Variants in DORIP1 observed in about 807,000 individuals in gnomAD.
DORIP1 encodes dopamine receptor interacting protein 1, also known as dopamine receptor-interacting protein 1.
At chr14:44,905,678 A>C in the DORIP1 span, 1 of 602,680 alleles carries the variant, frequency 1.7e-6, no homozygotes, top group Non-Finnish European at 2.6e-6. Context: ...GTGTATTTTC[A>C]GTGTTTAACC....
the DORIP1 span, chr14:44,900,493 C>T: frequency 2.9e-5 from 46 of 1,573,236 alleles, no homozygotes; most frequent in Middle Eastern, 5.1e-4. Flanking sequence ...TAACCAAGAT[C>T]GATCATTTTG....
chr14:44,900,285 G>A, the DORIP1 span: 2 of 618,814 alleles, frequency 3.2e-6, no homozygotes, highest in Non-Finnish European at 4.9e-6. Flanking sequence ...GCGAAAAGTG[G>A]CTCATTTAAA....
chr14:44,902,628 TG>T, the DORIP1 span, among the ~76,000 whole-genome samples: 4 of 152,174 alleles, frequency 2.6e-5, no homozygotes, highest in Non-Finnish European at 5.9e-5. Flanking sequence ...CCTAATATCT[TG>T]TTTTTTAAAA....
the DORIP1 span, chr14:44,900,994 C>G: frequency 7.2e-6 from 11 of 1,529,316 alleles, no homozygotes; most frequent in South Asian, 2.7e-5. Context: ...GTCACTTTTA[C>G]TTTTTTTAAT....
At chr14:44,900,456 G>C in the DORIP1 span, 1 of 1,539,894 alleles carries the variant, frequency 6.5e-7, no homozygotes, top group Non-Finnish European at 8.7e-7. Flanking sequence ...TGTTTGAAGA[G>C]ATCAAAGCAT....
chr14:44,898,545 G>A, the DORIP1 span, among the ~76,000 whole-genome samples: 1 of 152,036 alleles, frequency 6.6e-6, no homozygotes, highest in Admixed American at 6.6e-5. Context: ...AAAATTCAAC[G>A]GAAATAAATC....
the DORIP1 span, chr14:44,904,781 C>T: frequency 3.1e-6 from 1 of 321,398 alleles, no homozygotes; most frequent in Non-Finnish European, 5.6e-6. Flanking sequence ...TATAAGTTAA[C>T]CTTGGGCCAA....
At chr14:44,907,090 T>G in the DORIP1 span, 1 of 152,652 alleles carries the variant, frequency 6.6e-6, no homozygotes, top group Admixed American at 6.5e-5. Flanking sequence ...TTATTCCTAA[T>G]GCAGATTTAT....
chr14:44,904,459 T>C, the DORIP1 span: 7 of 1,612,188 alleles, frequency 4.3e-6, no homozygotes, highest in African/African-American at 9.3e-5. Context: ...TTTTGTTGTC[T>C]TAAATATGCA....
At chr14:44,902,964 C>T in the DORIP1 span, among the ~76,000 whole-genome samples, 1 of 152,068 alleles carries the variant, frequency 6.6e-6, no homozygotes, top group African/African-American at 2.4e-5. Flanking sequence ...TTTAAATTAT[C>T]ATAGCAGCAA....
chr14:44,904,131 T>C, the DORIP1 span: 46 of 985,232 alleles, frequency 4.7e-5, no homozygotes, highest in Non-Finnish European at 5.4e-5. Flanking sequence ...TGCAGAGTTA[T>C]GCTTTCATAG....
At chr14:44,898,360 T>A in the DORIP1 span, among the ~76,000 whole-genome samples, 33 of 152,312 alleles carry the variant, frequency 2.2e-4, no homozygotes, top group East Asian at 2.7e-3. Flanking sequence ...ATGCCACATA[T>A]GTCATTATAG....
the DORIP1 span, chr14:44,903,493 TTTC>T: frequency 3.4e-6 from 4 of 1,192,668 alleles, no homozygotes; most frequent in African/African-American, 6.3e-5. Context: ...GCAAATACCT[TTTC>T]TTTTTTCCCC....
At chr14:44,903,330 T>G in the DORIP1 span, 1 of 1,579,044 alleles carries the variant, frequency 6.3e-7, no homozygotes. Flanking sequence ...AATGACAGTA[T>G]GTATGTGTTT....
chr14:44,897,475 G>A, the DORIP1 span: 1 of 206,918 alleles, frequency 4.8e-6, no homozygotes, highest in Non-Finnish European at 9.4e-6. Context: ...TGAGGCAGCG[G>A]CGGCGGCGGC....
At chr14:44,900,964 G>A in the DORIP1 span, 1 of 1,558,720 alleles carries the variant, frequency 6.4e-7, no homozygotes, top group African/African-American at 1.4e-5. Context: ...TATAAAGTAA[G>A]TTGGTCTAAC....
At chr14:44,903,917 G>T in the DORIP1 span, 1 of 978,666 alleles carries the variant, frequency 1.0e-6, no homozygotes, top group Non-Finnish European at 1.2e-6. Flanking sequence ...TGAGCATTCC[G>T]GTTAATCAAG....
the DORIP1 span, among the ~76,000 whole-genome samples, chr14:44,903,003 AAT>A: frequency 1.3e-5 from 2 of 152,218 alleles, no homozygotes; most frequent in African/African-American, 2.4e-5. Flanking sequence ...TTTATACAAA[AAT>A]ATGTTTCTTT....
At chr14:44,905,316 A>C in the DORIP1 span, 1 of 1,217,144 alleles carries the variant, frequency 8.2e-7, no homozygotes, top group South Asian at 2.0e-5. Context: ...AGGAATGTTT[A>C]TCTTAACAAA....
Sources: gnomAD v4.1 joint callset for allele counts (sites outside exome capture counted in the v4.1 genomes callset) on GRCh38, gnomAD v4.1.1 for gene constraint, MANE v1.5 for transcripts, NCBI Gene and HGNC (gene_info 2026-07-23, HGNC 2026-07-21) for gene names.